Variants in ZNF536 observed in about 807,000 individuals in gnomAD.
The protein encoded by ZNF536 is zinc finger protein 536.
Under a neutral mutation model 84.5 loss-of-function variants are expected in ZNF536, and 13 were observed. That is an observed-to-expected ratio of 0.15 (90% CI 0.10 to 0.24). The LOEUF (loss-of-function observed/expected upper bound fraction) is 0.24, where lower values mean the gene tolerates loss of function less well. Among genes scored for constraint, ZNF536 ranks in the 10% least tolerant of loss-of-function variants. The pLI, the probability that ZNF536 is intolerant of heterozygous loss-of-function variation, is 1.00. For synonymous variants in ZNF536, 811 were observed against 742.5 expected (o/e 1.09, Z -1.50); for missense variants, 1,536 against 1,747.5 (o/e 0.88, Z 2.16).
chr19:30,606,547 TG>T (rs1865064797), intron 1 of ZNF536, among the ~76,000 whole-genome samples: 1 of 152,156 alleles, frequency 6.6e-6, no homozygotes, highest in Non-Finnish European at 1.5e-5. Flanking sequence ...ATTCCACCGT[TG>T]GGAGGCCACT....
chr19:30,492,393 C>T (rs2054544590), intron 2 of ZNF536, among the ~76,000 whole-genome samples: 1 of 152,144 alleles, frequency 6.6e-6, no homozygotes. Flanking sequence ...ATTTCTATAG[C>T]TCCTTCCCCC....
intron 1 of ZNF536, among the ~76,000 whole-genome samples, chr19:30,405,794 T>G (rs1016841603): frequency 6.6e-6 from 1 of 151,964 alleles, no homozygotes; most frequent in African/African-American, 2.4e-5. Context: ...TTTTTTTTTT[T>G]TGAGATAGAG....
Position 30,609,965 on chromosome 19 carries a change from T to C in ZNF536, c.169+60451T>C, listed in dbSNP as rs116453189. Among the ~76,000 whole-genome samples, 715 of 151,770 alleles carry C rather than the reference T, an allele frequency of 4.7e-3. 6 individuals carry two copies. Among genetic ancestry groups the C allele is most frequent in the African/African-American group, 0.016 (681 of 41,372 alleles). On this transcript the variant is annotated intron_variant, in intron 1 of 1. Transcript: ENST00000592773. ...ATGCATCCATCCATCCATCCACTTA[T>C]CCATCCATTCATTCAACCATCCACC...
At chr19:30,535,448 C>G (rs1599724588) in intron 3 of ZNF536, among the ~76,000 whole-genome samples, 1 of 152,176 alleles carries the variant, frequency 6.6e-6, no homozygotes. Flanking sequence ...TTAGCCCAGC[C>G]TGTGTTACAT....
intron 2 of ZNF536, among the ~76,000 whole-genome samples, chr19:30,446,271 A>AAAAAAG (rs1555767559): frequency 1.4e-4 from 20 of 147,224 alleles, no homozygotes; most frequent in African/African-American, 3.3e-4. Context: ...AAAAAAAAAA[A>AAAAAAG]AAAGAAAGAA....
At chr19:30,469,445 G>A (rs1199219594) in intron 2 of ZNF536, among the ~76,000 whole-genome samples, 1 of 152,036 alleles carries the variant, frequency 6.6e-6, no homozygotes, top group Non-Finnish European at 1.5e-5. Context: ...CATGGCAGGA[G>A]TCCCCAGCCT....
chr19:30,287,391 A>G (rs1210915928), intron 2 of ZNF536, among the ~76,000 whole-genome samples: 1 of 150,578 alleles, frequency 6.6e-6, no homozygotes, highest in Non-Finnish European at 1.5e-5. Context: ...GCATAAATAA[A>G]TGGATAAATG....
chr19:30,268,872 G>A (rs1022472581), intron 1 of ZNF536, among the ~76,000 whole-genome samples: 16 of 152,146 alleles, frequency 1.1e-4, no homozygotes, highest in African/African-American at 3.1e-4. Context: ...ACGGATTCAT[G>A]TGTCTTCCCC....
chr19:30,460,198 G>A (rs978998559), intron 2 of ZNF536, among the ~76,000 whole-genome samples: 4 of 152,154 alleles, frequency 2.6e-5, no homozygotes, highest in African/African-American at 9.7e-5. Context: ...AGGGGAATGG[G>A]GTGTACCACT....
chr19:30,544,541 G>A (rs1038136610), intron 3 of ZNF536, among the ~76,000 whole-genome samples: 3 of 152,148 alleles, frequency 2.0e-5, no homozygotes, highest in Non-Finnish European at 4.4e-5. Flanking sequence ...CTGTGTGTGA[G>A]TGTGAGAGTG....
At chr19:30,272,309 A>G (rs1734241352) in intron 1 of ZNF536, among the ~76,000 whole-genome samples, 1 of 152,200 alleles carries the variant, frequency 6.6e-6, no homozygotes, top group South Asian at 2.1e-4. Context: ...GTTACCATGT[A>G]TCTTCTGACC....
At chr19:30,228,252 A>G (rs558585051), upstream of ZNF536, 2 of 152,108 alleles carry the variant, frequency 1.3e-5, no homozygotes, top group South Asian at 4.2e-4. This position sits in a 1 kb window ranked among gnomAD's most constrained non-coding sequence, Gnocchi z 4.5. Flanking sequence ...CGACTTAAAG[A>G]GACGAAAGAG....
intron 1 of ZNF536, among the ~76,000 whole-genome samples, chr19:30,617,366 T>TTTTTTTTTTTTTTTTTA (rs869281886): frequency 2.6e-5 from 3 of 115,912 alleles, no homozygotes; most frequent in Non-Finnish European, 3.6e-5. Context: ...TTTTTTTTTT[T>TTTTTTTTTTTTTTTTTA]ATGAGATGGA....
chr19:30,294,459 CTT>C (rs2045935175), intron 2 of ZNF536, among the ~76,000 whole-genome samples: 1 of 151,826 alleles, frequency 6.6e-6, no homozygotes, highest in South Asian at 2.1e-4. Flanking sequence ...CAGAATATAA[CTT>C]GAGACAATAT....
intron 2 of ZNF536, among the ~76,000 whole-genome samples, chr19:30,316,269 C>T (rs188097477): frequency 1.9e-4 from 29 of 152,258 alleles, no homozygotes; most frequent in Non-Finnish European, 2.9e-4. Context: ...ACTTACCTGC[C>T]AAAACCTCAC....
rs559856995 is a variant in ZNF536, at chr19:30,303,728, C to T, written c.-120+19587C>T. Among the ~76,000 whole-genome samples, 803 of 152,226 alleles carry T rather than the reference C, an allele frequency of 5.3e-3. 5 individuals carry two copies. Among genetic ancestry groups the T allele is most frequent in the Non-Finnish European group, 8.6e-3 (587 of 68,004 alleles). On this transcript the variant is annotated intron_variant, in intron 2 of 5. Transcript: ENST00000585628. ...ATGTCGGCCGGGCTGGTCTCTAAGT[C>T]CTGATCCACTTGCCTCGGCCTCCCA...
In ZNF536 at chr19:30,688,034, G is replaced by A. The variant is rs1417603790; in HGVS notation, c.170-22723G>A. ...ATGACTGCTAAAAAAAAAAAAAAAA[G>A]GGCAGGCAGCAAAACAAACCAAGCC... is the stretch of plus-strand genomic sequence containing the variant. On this transcript the variant is annotated intron_variant, in intron 1 of 1. Transcript: ENST00000592773. Among the ~76,000 whole-genome samples the A allele has an allele frequency of 1.1e-3, 106 of 92,200 alleles. 3 individuals are homozygous for A. The highest frequency in any genetic ancestry group is 5.9e-3 in the Middle Eastern group (1 of 170). 60.5% of individuals were successfully genotyped at this position (92,200 alleles called of 152,430 possible). A position where few individuals can be genotyped will look rare whatever the true frequency, so the allele number is the denominator to read the frequency against.
chr19:30,666,071 G>A (rs2050306316), intron 1 of ZNF536, among the ~76,000 whole-genome samples: 2 of 152,214 alleles, frequency 1.3e-5, no homozygotes, highest in African/African-American at 4.8e-5. Context: ...TACCCATGAA[G>A]ATGGGACTAC....
intron 1 of ZNF536, among the ~76,000 whole-genome samples, chr19:30,260,215 A>G (rs915141045): frequency 1.3e-5 from 2 of 152,238 alleles, no homozygotes; most frequent in African/African-American, 4.8e-5. Context: ...GGAGAATGCC[A>G]TCTCTCCGTA....
Sources: gnomAD v4.1 joint callset for allele counts (sites outside exome capture counted in the v4.1 genomes callset) on GRCh38, gnomAD v4.1.1 for gene constraint, Gnocchi (gnomAD v3.1) non-coding constraint, MANE v1.5 for transcripts, NCBI Gene and HGNC (gene_info 2026-07-23, HGNC 2026-07-21) for gene names.